OXR1: variants seen among roughly 807,000 people sequenced by gnomAD.
OXR1 encodes the protein oxidation resistance protein 1.
OXR1 carries 41 observed loss-of-function variants against 104.6 expected under a neutral mutation model. The ratio of observed to expected loss-of-function variants is 0.39; its 90% CI spans 0.31 to 0.51. The LOEUF (loss-of-function observed/expected upper bound fraction) is 0.51, where lower values mean the gene tolerates loss of function less well. Among genes scored for constraint, OXR1 ranks in the 20% least tolerant of loss-of-function variants. The probability of loss-of-function intolerance (pLI) is 0.77; values close to 1 mark genes in which losing one functional copy is unlikely to be tolerated. For synonymous variants in OXR1, 348 were observed against 348.4 expected (o/e 1.00, Z 0.01); for missense variants, 955 against 1,031.9 (o/e 0.93, Z 1.02).
At chr8:106,646,001 A>G (rs1244305607) in intron 3 of OXR1, among the ~76,000 whole-genome samples, 2 of 152,172 alleles carry the variant, frequency 1.3e-5, no homozygotes, top group African/African-American at 4.8e-5. Flanking sequence ...ACAACAAAAA[A>G]CTACCTAACT....
intron 1 of OXR1, among the ~76,000 whole-genome samples, chr8:106,293,891 T>G (rs937311791): frequency 8.6e-5 from 13 of 151,688 alleles, no homozygotes; most frequent in African/African-American, 3.2e-4. Context: ...GGGATAAAGC[T>G]TCCAACAAAT....
chr8:106,712,025 A>G (rs1831745995), intron 10 of OXR1, among the ~76,000 whole-genome samples: 1 of 152,070 alleles, frequency 6.6e-6, no homozygotes, highest in African/African-American at 2.4e-5. Flanking sequence ...TGATAGATTA[A>G]TATGTTTCAT....
chr8:106,664,898 T>G (rs879930962), intron 3 of OXR1, among the ~76,000 whole-genome samples: 2 of 152,184 alleles, frequency 1.3e-5, no homozygotes, highest in Non-Finnish European at 2.9e-5. Context: ...TTAAGCAAAA[T>G]GATGTGTAAA....
chr8:106,748,554 CTTTTTTTTT>C (rs71307088), intron 16 of OXR1, among the ~76,000 whole-genome samples: 1 of 48,874 alleles, frequency 2.0e-5, no homozygotes, highest in Non-Finnish European at 3.4e-5. Flanking sequence ...AGTACCAACT[CTTTTTTTTT>C]TTTTTTTTTT....
intron 4 of OXR1, among the ~76,000 whole-genome samples, chr8:106,682,195 A>G (rs780649926): frequency 6.6e-6 from 1 of 151,618 alleles, no homozygotes; most frequent in Admixed American, 6.6e-5. Flanking sequence ...TTAGTTTCCA[A>G]CTAGATTGTA....
At chr8:106,595,509 C>T (rs1406283389) in intron 3 of OXR1, among the ~76,000 whole-genome samples, 3 of 140,902 alleles carry the variant, frequency 2.1e-5, no homozygotes, top group East Asian at 2.0e-4. Flanking sequence ...GAGACTGCAC[C>T]ACTGCACTCC....
intron 3 of OXR1, among the ~76,000 whole-genome samples, chr8:106,552,118 G>A (rs1304038938): frequency 2.6e-5 from 4 of 151,744 alleles, no homozygotes; most frequent in East Asian, 1.9e-4. Context: ...CATTTGTACC[G>A]AATCAGCTAG....
At chr8:106,316,403 T>C (rs1327439092) in intron 1 of OXR1, among the ~76,000 whole-genome samples, 1 of 152,200 alleles carries the variant, frequency 6.6e-6, no homozygotes, top group Non-Finnish European at 1.5e-5. Context: ...GAATCTACAC[T>C]GAGGACAGGC....
chr8:106,531,741 C>G (rs1321845827), intron 3 of OXR1, among the ~76,000 whole-genome samples: 2 of 152,106 alleles, frequency 1.3e-5, no homozygotes, highest in Non-Finnish European at 2.9e-5. Flanking sequence ...ATAATATTTA[C>G]TCTAAGTAAA....
intron 3 of OXR1, among the ~76,000 whole-genome samples, chr8:106,636,667 A>G (rs924128348): frequency 6.6e-6 from 1 of 152,190 alleles, no homozygotes; most frequent in Non-Finnish European, 1.5e-5. Context: ...GTTTTGGTCT[A>G]TTTGTTTGGG....
chr8:106,493,401 A>T (rs1028664988), intron 2 of OXR1, among the ~76,000 whole-genome samples: 1 of 152,066 alleles, frequency 6.6e-6, no homozygotes, highest in Non-Finnish European at 1.5e-5. Context: ...ACACTTTGTT[A>T]CCACCATAGC....
intron 2 of OXR1, among the ~76,000 whole-genome samples, chr8:106,505,104 G>A (rs1191864700): frequency 6.6e-6 from 1 of 152,212 alleles, no homozygotes; most frequent in Non-Finnish European, 1.5e-5. Context: ...GGAGATAGCT[G>A]TATTTTTACA....
At chr8:106,375,505 A>G (rs911217108) in intron 2 of OXR1, among the ~76,000 whole-genome samples, 3 of 152,220 alleles carry the variant, frequency 2.0e-5, no homozygotes, top group Admixed American at 1.3e-4. Flanking sequence ...AATGAGATCA[A>G]TTGAAGTCAA....
At chr8:106,585,045 A>G (rs1242480929) in intron 3 of OXR1, among the ~76,000 whole-genome samples, 2 of 152,180 alleles carry the variant, frequency 1.3e-5, no homozygotes, top group Non-Finnish European at 2.9e-5. Flanking sequence ...TGCCATGTCA[A>G]TTAGAAAATC....
chr8:106,744,975 T>G (rs1412096361), intron 15 of OXR1, among the ~76,000 whole-genome samples: 1 of 152,194 alleles, frequency 6.6e-6, no homozygotes, highest in Non-Finnish European at 1.5e-5. Flanking sequence ...CTTGAAAGCT[T>G]GTAGTTATTA....
intron 1 of OXR1, among the ~76,000 whole-genome samples, chr8:106,301,816 G>A (rs890426881): frequency 1.3e-5 from 2 of 152,028 alleles, no homozygotes; most frequent in Non-Finnish European, 2.9e-5. Flanking sequence ...TAGAAATATC[G>A]AGCCTTTTTT....
Position 106,293,517 on chromosome 8 carries a change from T to C in OXR1, c.-139+23150T>C, listed in dbSNP as rs180945477. Among the ~76,000 whole-genome samples, 11 of 152,330 alleles carry C rather than the reference T, an allele frequency of 7.2e-5. No individual in the cohort carries two copies. In the East Asian group the frequency reaches 1.9e-3, roughly 27 times the overall value. Reference sequence around the variant, plus strand: ...AACTGCACACAGATAAGTTATAACATACTTTGTGGAGCAATGCCTTCTTAA... The same window carrying C: ...AACTGCACACAGATAAGTTATAACACACTTTGTGGAGCAATGCCTTCTTAA... On this transcript the variant is annotated intron_variant, in intron 1 of 16. Coordinates refer to ENST00000517566, the MANE Select transcript of OXR1 (RefSeq NM_001198533.2).
chr8:106,519,866 A>C (rs1176068467), intron 3 of OXR1, among the ~76,000 whole-genome samples: 1 of 152,218 alleles, frequency 6.6e-6, no homozygotes, highest in Non-Finnish European at 1.5e-5. Context: ...TACCAACTTT[A>C]GTGTACCATA....
At chr8:106,368,526 C>T (rs1043615833) in intron 2 of OXR1, among the ~76,000 whole-genome samples, 14 of 151,794 alleles carry the variant, frequency 9.2e-5, no homozygotes, top group African/African-American at 3.4e-4. Flanking sequence ...CACCTATTGA[C>T]TTGTCCTCTA....
Sources: allele counts gnomAD v4.1 joint callset (sites outside exome capture counted in the v4.1 genomes callset), GRCh38; gene constraint gnomAD v4.1.1; transcripts MANE v1.5; gene names NCBI Gene and HGNC (gene_info 2026-07-23, HGNC 2026-07-21).